The following ACVR2A variants were observed in gnomAD, a reference collection of about 807,000 sequenced individuals.
ACVR2A encodes activin receptor type-2A.
ACVR2A carries 7 observed loss-of-function variants against 61.4 expected under a neutral mutation model. That is an observed-to-expected ratio of 0.11 (90% confidence interval 0.06 to 0.21). ACVR2A has a LOEUF of 0.21. ACVR2A is among the 10% of genes least tolerant of loss of function. ACVR2A has a pLI of 1.00. For missense variants in ACVR2A, 322 were observed against 621.7 expected, an observed-to-expected ratio of 0.52 and a Z score of 5.13; for synonymous variants, 193 against 208.3, an observed-to-expected ratio of 0.93 and a Z score of 0.63.
chr2:147,845,700 A>T (rs969651585), intron 1 of ACVR2A, among the ~76,000 whole-genome samples: 5 of 152,190 alleles, frequency 3.3e-5, no homozygotes, highest in Non-Finnish European at 5.9e-5. Context: ...GAAACAATAC[A>T]TCCTATCAGC....
chr2:147,892,222 G>C (rs763548136), intron 1 of ACVR2A, among the ~76,000 whole-genome samples: 5 of 151,896 alleles, frequency 3.3e-5, no homozygotes, highest in Non-Finnish European at 5.9e-5. Context: ...CGCCTGCCTC[G>C]GCTTCCCAAA....
chr2:147,886,840 C>T (rs1205135759), intron 1 of ACVR2A, among the ~76,000 whole-genome samples: 1 of 151,148 alleles, frequency 6.6e-6, no homozygotes, highest in Non-Finnish European at 1.5e-5. Context: ...CCAAAAACTC[C>T]TTAATGCCAA....
intron 1 of ACVR2A, among the ~76,000 whole-genome samples, chr2:147,863,411 C>G (rs1483144382): frequency 6.6e-6 from 1 of 152,144 alleles, no homozygotes; most frequent in East Asian, 1.9e-4. Context: ...TATTGACACC[C>G]TGTGAGGTTG....
intron 1 of ACVR2A, among the ~76,000 whole-genome samples, chr2:147,845,681 T>G (rs551801622): frequency 5.3e-5 from 8 of 152,324 alleles, no homozygotes; most frequent in Non-Finnish European, 1.0e-4. Context: ...TGCTTAATTT[T>G]GGCTGTGGGA....
At chr2:147,926,302 G>A in intron 10 of ACVR2A, 141 bp downstream of exon 10, 1 of 1,059,764 alleles carries the variant, frequency 9.4e-7, no homozygotes, top group Non-Finnish European at 1.3e-6. Context: ...GAGTTCTAGA[G>A]GCAGAATTAG....
chr2:147,894,800 G>C lies in ACVR2A; in HGVS notation c.56-1501G>C, dbSNP rs184878743. On this transcript the variant is annotated intron_variant, in intron 1 of 10. Coordinates refer to ENST00000241416, the MANE Select transcript of ACVR2A (RefSeq NM_001616.5). The stretch of plus-strand genomic sequence containing the variant: ...ACAGGTTCACTTGGTTTACTTTTGA[G>C]AACATGCCTGTCAGATACCCAAGTC... Among the ~76,000 whole-genome samples the C allele has an allele frequency of 1.5e-3, 235 of 152,206 alleles. 4 individuals are homozygous for C. Among genetic ancestry groups the C allele is most frequent in the Admixed American group, 0.014 (209 of 15,286 alleles).
At chr2:147,926,225 A>C (rs1361501164) in intron 10 of ACVR2A, 64 bp downstream of exon 10, 8 of 1,541,440 alleles carry the variant, frequency 5.2e-6, no homozygotes, top group Non-Finnish European at 5.3e-6. Context: ...GGAATTATTT[A>C]TCTCTGCACA....
chr2:147,849,491 C>T (rs576231661), intron 1 of ACVR2A, among the ~76,000 whole-genome samples: 54 of 152,250 alleles, frequency 3.5e-4, no homozygotes, highest in Non-Finnish European at 5.6e-4. Context: ...TCTTGAGAAT[C>T]ACTAGCTGGG....
intron 5 of ACVR2A, among the ~76,000 whole-genome samples, chr2:147,916,849 T>C (rs1442976038): frequency 1.3e-5 from 2 of 151,934 alleles, no homozygotes; most frequent in African/African-American, 4.8e-5. Context: ...TGTTTGATAT[T>C]ATGTTAGTTT....
Position 147,845,076 on chromosome 2 carries a change from G to GGTTT in ACVR2A, c.-74_-71dup. 1 of 1,056,186 alleles carries GGTTT rather than the reference G, an allele frequency of 9.5e-7. No homozygotes were observed. The highest frequency in any genetic ancestry group is 1.3e-6 in the Non-Finnish European group (1 of 745,014). The allele number at this position is 1,056,186 out of a possible 1,614,324, so 65.4% of individuals were successfully genotyped here. ...TATGACGGTTGATTTTACACCAGGAGGTTTGTCTCCGAGGAAGACCCAGGG... is the reference window on the plus strand; with the variant it reads ...TATGACGGTTGATTTTACACCAGGAGGTTTGTTTGTCTCCGAGGAAGACCCAGGG... On this transcript the variant is annotated 5_prime_UTR_variant, in exon 1 of 11. Transcript: ENST00000241416.
At chr2:147,883,177 TTTTTTGTTTTTG>T (rs1039844089) in intron 1 of ACVR2A, among the ~76,000 whole-genome samples, 5 of 151,950 alleles carry the variant, frequency 3.3e-5, no homozygotes, top group African/African-American at 9.7e-5. Context: ...TAAAATGAGT[TTTTTTGTTTTTG>T]TTTTTGTTTT....
At chr2:147,884,782 C>T (rs1482961264) in intron 1 of ACVR2A, among the ~76,000 whole-genome samples, 10 of 152,072 alleles carry the variant, frequency 6.6e-5, no homozygotes, top group Non-Finnish European at 1.3e-4. Context: ...ATTGTATACC[C>T]CTTGTTTTTA....
At chr2:147,887,053 A>G (rs574836798) in intron 1 of ACVR2A, among the ~76,000 whole-genome samples, 1 of 152,166 alleles carries the variant, frequency 6.6e-6, no homozygotes, top group Non-Finnish European at 1.5e-5. Context: ...TATACAAAAA[A>G]TAAAAATAAC....
intron 1 of ACVR2A, among the ~76,000 whole-genome samples, chr2:147,846,486 G>A (rs1357306722): frequency 6.6e-6 from 1 of 151,882 alleles, no homozygotes; most frequent in Non-Finnish European, 1.5e-5. Context: ...ACATTTCCTT[G>A]TGGTTAATAA....
At chr2:147,885,631 A>G (rs1686411496) in intron 1 of ACVR2A, among the ~76,000 whole-genome samples, 1 of 152,150 alleles carries the variant, frequency 6.6e-6, no homozygotes, top group Non-Finnish European at 1.5e-5. Context: ...CAATGATGGT[A>G]TTATGACTTC....
rs768688296 is a variant in ACVR2A, at chr2:147,920,200, C to T, written c.963-30C>T. ...AATTTAAAAAGGTAACTAGTTTAAA[C>T]TTAATTTGAATACTCTTTTTATTTG... On this transcript the variant is annotated intron_variant, in intron 7 of 10. Coordinates refer to ENST00000241416, the MANE Select transcript of ACVR2A (RefSeq NM_001616.5). 4 of 1,516,554 alleles carry T rather than the reference C, an allele frequency of 2.6e-6. No individual in the cohort carries two copies. In the South Asian group the frequency reaches 4.5e-5, roughly 17 times the overall value. 93.9% of individuals were successfully genotyped at this position (1,516,554 alleles called of 1,614,324 possible).
intron 8 of ACVR2A, among the ~76,000 whole-genome samples, chr2:147,921,441 CAT>C (rs772044159): frequency 1.5e-4 from 23 of 152,164 alleles, no homozygotes; most frequent in Non-Finnish European, 2.8e-4. Flanking sequence ...TCTTTCATAT[CAT>C]GTAAATTATT....
intron 1 of ACVR2A, among the ~76,000 whole-genome samples, chr2:147,870,873 C>T (rs1558964943): frequency 6.6e-6 from 1 of 152,138 alleles, no homozygotes; most frequent in East Asian, 1.9e-4. Flanking sequence ...TAGCTAGAAT[C>T]TTTTTCATAT....
At chr2:147,855,485 A>C (rs1221058640) in intron 1 of ACVR2A, among the ~76,000 whole-genome samples, 1 of 152,332 alleles carries the variant, frequency 6.6e-6, no homozygotes, top group East Asian at 1.9e-4. Context: ...TTTGGCAGCT[A>C]TCTGAAAAAC....
Sources: allele counts gnomAD v4.1 joint callset (sites outside exome capture counted in the v4.1 genomes callset), GRCh38; gene constraint gnomAD v4.1.1; transcripts MANE v1.5; gene names NCBI Gene and HGNC (gene_info 2026-07-23, HGNC 2026-07-21).